VPS13B: variants seen among roughly 807,000 people sequenced by gnomAD.
VPS13B encodes intermembrane lipid transfer protein VPS13B.
A neutral mutation model predicts 426.4 loss-of-function variants in VPS13B; 285 were observed. The observed-to-expected ratio is 0.67, with a 90% CI of 0.61 to 0.74. The LOEUF is 0.74. Among genes scored for constraint, VPS13B ranks in the 30% least tolerant of loss-of-function variants. VPS13B has a pLI of 0.00. For synonymous variants in VPS13B, 1,676 were observed against 1,676.4 expected, an observed-to-expected ratio of 1.00 and a Z score of 0.01; for missense variants, 4,537 against 4,782.6, an observed-to-expected ratio of 0.95 and a Z score of 1.51.
intron 17 of VPS13B, among the ~76,000 whole-genome samples, chr8:99,217,152 T>C (rs184574130): frequency 1.3e-5 from 2 of 152,334 alleles, no homozygotes; most frequent in East Asian, 1.9e-4. Flanking sequence ...TAACAGATCA[T>C]GTTCATGTTT....
intron 33 of VPS13B, among the ~76,000 whole-genome samples, chr8:99,633,340 A>G (rs1828925755): frequency 6.6e-6 from 1 of 152,080 alleles, no homozygotes; most frequent in African/African-American, 2.4e-5. Context: ...TGCTGCAGAA[A>G]CTAAATACAA....
chr8:99,468,217 A>C (rs919472607), intron 24 of VPS13B, among the ~76,000 whole-genome samples: 24 of 152,070 alleles, frequency 1.6e-4, no homozygotes, highest in African/African-American at 4.3e-4. Flanking sequence ...TCATTGTTCA[A>C]TTCCCACCTG....
chr8:99,745,660 T>C (rs911930717), intron 39 of VPS13B, among the ~76,000 whole-genome samples: 4 of 152,086 alleles, frequency 2.6e-5, no homozygotes, highest in African/African-American at 9.7e-5. Context: ...GTATCCCTCA[T>C]GGATAAGGAA....
chr8:99,515,734 G>T (rs2133650851), intron 29 of VPS13B, among the ~76,000 whole-genome samples: 1 of 152,076 alleles, frequency 6.6e-6, no homozygotes. Context: ...AGGATTGCTA[G>T]GTCAAAGGAT....
chr8:99,628,273 A>G (rs1828697292), intron 33 of VPS13B, among the ~76,000 whole-genome samples: 1 of 152,194 alleles, frequency 6.6e-6, no homozygotes, highest in East Asian at 1.9e-4. Flanking sequence ...GATTTGCTAA[A>G]ATAGAGACAC....
rs1459027378 is a variant in VPS13B at position 99,877,512 on chromosome 8, T to G, written c.*1846T>G. ...CTGGGTTTAATACAGCTCACATCACTGAATGTTACACATGAGTTTAAATGG... is the reference window on the plus strand; with the variant it reads ...CTGGGTTTAATACAGCTCACATCACGGAATGTTACACATGAGTTTAAATGG... On this transcript the variant is annotated 3_prime_UTR_variant, in exon 62 of 62. Transcript: ENST00000357162. The G allele has an allele frequency of 6.6e-6, 1 of 152,618 alleles. No individual in the cohort carries two copies. The allele number at this position is 152,618 out of a possible 1,614,324, so 9.5% of individuals were successfully genotyped here. A position where few individuals can be genotyped will look rare whatever the true frequency, so the allele number is the denominator to read the frequency against.
chr8:99,171,587 A>G (rs969306587), intron 16 of VPS13B, among the ~76,000 whole-genome samples: 1 of 152,070 alleles, frequency 6.6e-6, no homozygotes, highest in East Asian at 1.9e-4. Context: ...GTCAAATGTT[A>G]CTTAAAATAT....
chr8:99,687,743 C>T lies in VPS13B; in HGVS notation c.6047-11782C>T, dbSNP rs183782664. Among the ~76,000 whole-genome samples the T allele has an allele frequency of 3.3e-4, 50 of 152,228 alleles. 1 individual carries two copies. The highest frequency in any genetic ancestry group is 3.4e-3 in the Middle Eastern group (1 of 294). On this transcript the variant is annotated intron_variant, in intron 35 of 61. Transcript: ENST00000357162. Reference sequence around the variant, plus strand: ...GTTGGCATCCACAGTTCAAGACTGTCTTTCCTACCGTCTTCAGTACCTCTT... The same window carrying T: ...GTTGGCATCCACAGTTCAAGACTGTTTTTCCTACCGTCTTCAGTACCTCTT...
chr8:99,515,435 G>A (rs1398690617), intron 29 of VPS13B, among the ~76,000 whole-genome samples: 1 of 151,966 alleles, frequency 6.6e-6, no homozygotes, highest in East Asian at 1.9e-4. Flanking sequence ...TCCTGCTGCT[G>A]CTGCTGCTGC....
At chr8:99,310,115 A>G (rs540130806) in intron 19 of VPS13B, among the ~76,000 whole-genome samples, 4 of 152,202 alleles carry the variant, frequency 2.6e-5, no homozygotes, top group African/African-American at 9.7e-5. Context: ...ATATACAATC[A>G]TGTCATCTGA....
At chr8:99,023,142 C>T (rs1224358051) in intron 2 of VPS13B, among the ~76,000 whole-genome samples, 1 of 151,908 alleles carries the variant, frequency 6.6e-6, no homozygotes, top group Non-Finnish European at 1.5e-5. Context: ...ACATATGCCA[C>T]CATTAACCAT....
intron 43 of VPS13B, among the ~76,000 whole-genome samples, chr8:99,792,316 T>C (rs1812582257): frequency 1.3e-5 from 2 of 152,080 alleles, no homozygotes; most frequent in African/African-American, 4.8e-5. Context: ...GAAAGACAAT[T>C]AATAGATGCT....
chr8:99,622,368 T>C (rs1307304651), intron 33 of VPS13B, among the ~76,000 whole-genome samples: 2 of 152,350 alleles, frequency 1.3e-5, no homozygotes, highest in East Asian at 3.9e-4. Flanking sequence ...AGAGATATTT[T>C]ATTCTTGAAT....
At chr8:99,442,348 T>G in intron 22 of VPS13B, 53 bp from the exon 23 acceptor site, 1 of 1,498,016 alleles carries the variant, frequency 6.7e-7, no homozygotes, top group Non-Finnish European at 9.3e-7. Context: ...GTTAGGTGTT[T>G]GAAGGCATAT....
At chr8:99,765,939 CT>C (rs1452480342) in intron 39 of VPS13B, among the ~76,000 whole-genome samples, 1 of 151,984 alleles carries the variant, frequency 6.6e-6, no homozygotes, top group Non-Finnish European at 1.5e-5. Context: ...CAGTTTTATC[CT>C]TTTGGAGTTT....
intron 25 of VPS13B, among the ~76,000 whole-genome samples, chr8:99,487,764 G>T (rs1049625095): frequency 6.6e-6 from 1 of 152,010 alleles, no homozygotes; most frequent in Non-Finnish European, 1.5e-5. Flanking sequence ...TCCTTTCTTT[G>T]TGTGTATCAG....
At chr8:99,163,317 A>G (rs888240868) in intron 15 of VPS13B, among the ~76,000 whole-genome samples, 1 of 152,252 alleles carries the variant, frequency 6.6e-6, no homozygotes, top group African/African-American at 2.4e-5. Flanking sequence ...CACCAGACTC[A>G]GGAGCCCAGC....
chr8:99,329,597 C>T (rs1038406086), intron 19 of VPS13B, among the ~76,000 whole-genome samples: 1 of 151,900 alleles, frequency 6.6e-6, no homozygotes, highest in African/African-American at 2.4e-5. Context: ...GTGTAATTTC[C>T]AGTTTCGTTT....
At position 99,732,416 on chromosome 8, in the gene VPS13B, G is replaced by A. The variant is rs189865875; in HGVS notation, c.7050+11369G>A. ...GGACCAAAACAGAGCATGCCTCCCC[G>A]CTTTATGGATATGCCTTGGAACCCA... is the stretch of plus-strand genomic sequence containing the variant. On this transcript the variant is annotated intron_variant, in intron 39 of 61. Transcript: ENST00000357162. Among the ~76,000 whole-genome samples, 88 of 152,258 alleles carry A rather than the reference G, an allele frequency of 5.8e-4. 1 individual carries two copies. The East Asian group carries it at 0.015, about 26-fold the overall frequency.
Sources: gnomAD v4.1 joint callset for allele counts (sites outside exome capture counted in the v4.1 genomes callset) on GRCh38, gnomAD v4.1.1 for gene constraint, MANE v1.5 for transcripts, NCBI Gene and HGNC (gene_info 2026-07-23, HGNC 2026-07-21) for gene names.